The following ABL1 variants were observed in gnomAD, a reference collection of about 807,000 sequenced individuals.
ABL1 encodes tyrosine-protein kinase ABL1.
Under a neutral mutation model 94.7 loss-of-function variants are expected in ABL1, and 11 were observed. That is an observed-to-expected ratio of 0.12 (90% confidence interval 0.07 to 0.19). The LOEUF is 0.19. Ranked by LOEUF, ABL1 falls within the 10% of genes least tolerant of loss-of-function variation. ABL1 has a pLI of 1.00. For synonymous variants in ABL1, 656 were observed against 622.4 expected (o/e 1.05, Z -0.80); for missense variants, 1,082 against 1,489.4 (o/e 0.73, Z 4.50).
chr9:130,840,185 C>T (rs3847189), intron 1 of ABL1, among the ~76,000 whole-genome samples: 3,955 of 152,294 alleles, frequency 0.026, 177 homozygotes, highest in African/African-American at 0.09. Flanking sequence ...CAGCCAATCC[C>T]ACCCATAGTT....
chr9:130,785,751 C>T (rs1255082075), intron 1 of ABL1, among the ~76,000 whole-genome samples: 1 of 151,528 alleles, frequency 6.6e-6, no homozygotes, highest in Admixed American at 6.6e-5. Context: ...GGTGAAACCC[C>T]GTCTCTACTA....
At chr9:130,791,970 G>A (rs1829913704) in intron 1 of ABL1, among the ~76,000 whole-genome samples, 1 of 152,108 alleles carries the variant, frequency 6.6e-6, no homozygotes, top group African/African-American at 2.4e-5. Context: ...AAGAAGAAGG[G>A]AAATGACACC....
At chr9:130,798,758 G>A (rs891021383) in intron 1 of ABL1, among the ~76,000 whole-genome samples, 1 of 152,046 alleles carries the variant, frequency 6.6e-6, no homozygotes, top group Non-Finnish European at 1.5e-5. Flanking sequence ...CACGAGGTCA[G>A]GAGTTTGAGA....
chr9:130,869,570 C>T (rs769322985), intron 4 of ABL1, among the ~76,000 whole-genome samples: 17 of 152,194 alleles, frequency 1.1e-4, no homozygotes, highest in East Asian at 1.9e-4. Flanking sequence ...CTCGTCAGTC[C>T]GTGCAAAGAG....
At chr9:130,882,859 G>A (rs1286079168) in intron 10 of ABL1, among the ~76,000 whole-genome samples, 1 of 152,142 alleles carries the variant, frequency 6.6e-6, no homozygotes, top group Non-Finnish European at 1.5e-5. Context: ...TATGAGCTAT[G>A]ATTCATATTT....
chr9:130,881,883 AAAAAC>A (rs1462588367), intron 10 of ABL1, among the ~76,000 whole-genome samples: 4 of 150,166 alleles, frequency 2.7e-5, no homozygotes, highest in African/African-American at 5.0e-5. Flanking sequence ...TTAGTAAAAA[AAAAAC>A]AAAAAAAAAC....
intron 1 of ABL1, among the ~76,000 whole-genome samples, chr9:130,801,994 C>G (rs1830061542): frequency 6.6e-6 from 1 of 151,978 alleles, no homozygotes; most frequent in African/African-American, 2.4e-5. Flanking sequence ...TTTTTTCTAC[C>G]CCATTCTCCC....
At position 130,814,272 on chromosome 9, in the gene ABL1, C is replaced by T. The variant is rs930372101; in HGVS notation, c.137-39792C>T. On this transcript the variant is annotated intron_variant, in intron 1 of 10. Transcript: ENST00000372348. The surrounding 1 kb of genome is among the most constrained non-coding windows in gnomAD (Gnocchi z 4.4). Reference sequence around the variant, plus strand: ...ATTGCACTCCACCCTAGCGACAGAACGAGACTCCGTCTCAAAAAAAAAAGA... The same window carrying T: ...ATTGCACTCCACCCTAGCGACAGAATGAGACTCCGTCTCAAAAAAAAAAGA... 1.2e-4 allele frequency among the ~76,000 whole-genome samples: 18 copies of T among 148,420 alleles called. No individual in the cohort carries two copies. The highest frequency in any genetic ancestry group is 4.3e-4 in the African/African-American group (17 of 39,388).
rs759154274 is a variant in ABL1, at chr9:130,887,201, C to T, written c.*1518C>T. 3.4e-5 allele frequency: 8 copies of T among 233,148 alleles called. No individual in the cohort carries two copies. The highest frequency in any genetic ancestry group is 4.4e-5 in the African/African-American group (2 of 45,354). The allele number at this position is 233,148 out of a possible 1,614,324, so 14.4% of individuals were successfully genotyped here. On this transcript the variant is annotated 3_prime_UTR_variant, in exon 11 of 11. Transcript: ENST00000318560. ...ACCGCCTCGTGCCAGCAGCCTCGCA[C>T]AGGCCCTAGCTTTACGCTCATCACC...
chr9:130,735,771 T>C (rs368464211), intron 1 of ABL1, among the ~76,000 whole-genome samples: 2 of 151,512 alleles, frequency 1.3e-5, no homozygotes, highest in African/African-American at 2.4e-5. Flanking sequence ...GGTAACGTTA[T>C]AGCTGTGGGA....
At chr9:130,729,200 T>C (rs868437768) in intron 1 of ABL1, among the ~76,000 whole-genome samples, 2 of 152,096 alleles carry the variant, frequency 1.3e-5, no homozygotes, top group African/African-American at 4.8e-5. Flanking sequence ...CTCAGCAAAG[T>C]CTCTCCACCC....
At position 130,758,103 on chromosome 9, in the gene ABL1, C is replaced by T. The variant is rs114854034; in HGVS notation, c.136+43648C>T. On this transcript the variant is annotated intron_variant, in intron 1 of 10. Coordinates refer to the ABL1 transcript ENST00000372348. ...CAAGCACTTACTCTGACCCAGGTAT[C>T]GGACTGGGTGCTTGACATATATTAT... Among the ~76,000 whole-genome samples the T allele has an allele frequency of 8.5e-3, 1,296 of 152,132 alleles. 21 individuals are homozygous for T. Among genetic ancestry groups the T allele is most frequent in the African/African-American group, 0.03 (1,241 of 41,510 alleles).
At chr9:130,850,722 G>A (rs1019187509) in intron 1 of ABL1, among the ~76,000 whole-genome samples, 1 of 151,946 alleles carries the variant, frequency 6.6e-6, no homozygotes, top group Non-Finnish European at 1.5e-5. Flanking sequence ...GGCCAGCATG[G>A]TCTTAAACTC....
At chr9:130,883,878 C>T (rs988169252) in intron 10 of ABL1, 91 bp from the exon 11 acceptor site, 1 of 1,446,898 alleles carries the variant, frequency 6.9e-7, no homozygotes, top group Non-Finnish European at 9.3e-7. Context: ...TGGAGTGCAG[C>T]AGTGGCACTC....
At chr9:130,806,722 T>A (rs752130825) in intron 1 of ABL1, among the ~76,000 whole-genome samples, 10 of 152,204 alleles carry the variant, frequency 6.6e-5, no homozygotes, top group Non-Finnish European at 1.3e-4. Flanking sequence ...TACTTTTAAA[T>A]CCCATTCTTA....
intron 1 of ABL1, among the ~76,000 whole-genome samples, chr9:130,740,819 A>ATTT (rs34323373): frequency 0.011 from 1,121 of 97,762 alleles, 4 homozygotes; most frequent in Non-Finnish European, 0.014. Context: ...CCACACCCAG[A>ATTT]TTTTTTTTTT....
rs138541112 is a variant in ABL1, at chr9:130,717,911, G to A, written c.136+3456G>A. On this transcript the variant is annotated intron_variant, in intron 1 of 10. Coordinates refer to the ABL1 transcript ENST00000372348. Reference sequence around the variant, plus strand: ...GCCTCTAATCCCAGCTACTCAGGAGGCTGAGGCAGGAGAATTGCTTGAACC... The same window carrying A: ...GCCTCTAATCCCAGCTACTCAGGAGACTGAGGCAGGAGAATTGCTTGAACC... 7.9e-3 allele frequency among the ~76,000 whole-genome samples: 1,204 copies of A among 152,190 alleles called. 15 individuals are homozygous for A. The highest frequency in any genetic ancestry group is 0.027 in the African/African-American group (1,118 of 41,526).
rs572348671 is a variant in ABL1, at chr9:130,880,440, A to C, written c.1514-60A>C. On this transcript the variant is annotated intron_variant, in intron 9 of 10. Coordinates refer to ENST00000318560, the MANE Select transcript of ABL1 (RefSeq NM_005157.6). This position sits in a 1 kb window ranked among gnomAD's most constrained non-coding sequence, Gnocchi z 4.4. Reference sequence around the variant, plus strand: ...TACAAAGAAAGAGAACCACCACACCAAGCCAACACCAGTACTGATGGCTGC... The same window carrying C: ...TACAAAGAAAGAGAACCACCACACCCAGCCAACACCAGTACTGATGGCTGC... 13 of 1,584,076 alleles carry C rather than the reference A, an allele frequency of 8.2e-6. No homozygotes were observed. The African/African-American group carries it at 1.8e-4, about 21-fold the overall frequency.
At chr9:130,826,651 G>C (rs1484905330) in intron 1 of ABL1, among the ~76,000 whole-genome samples, 1 of 152,146 alleles carries the variant, frequency 6.6e-6, no homozygotes, top group Non-Finnish European at 1.5e-5. Flanking sequence ...AGGGGATGAG[G>C]CCTGAAGCTG....
Sources: gnomAD v4.1 joint callset for allele counts (sites outside exome capture counted in the v4.1 genomes callset) on GRCh38, gnomAD v4.1.1 for gene constraint, Gnocchi (gnomAD v3.1) non-coding constraint, MANE v1.5 for transcripts, NCBI Gene and HGNC (gene_info 2026-07-23, HGNC 2026-07-21) for gene names.